Variants in CELSR1 observed in about 807,000 individuals in gnomAD.
CELSR1 encodes the protein cadherin EGF LAG seven-pass G-type receptor 1.
A neutral mutation model predicts 249.1 loss-of-function variants in CELSR1; 110 were observed. The ratio of observed to expected loss-of-function variants is 0.44; its 90% CI spans 0.38 to 0.52. The LOEUF is 0.52. CELSR1 is among the 20% of genes least tolerant of loss of function. CELSR1 has a pLI of 0.00. For synonymous variants in CELSR1, 2,113 were observed against 1,900.0 expected, an observed-to-expected ratio of 1.11 and a Z score of -2.92; for missense variants, 4,109 against 4,296.4, an observed-to-expected ratio of 0.96 and a Z score of 1.22.
chr22:46,431,851 G>A (rs1210614080), intron 5 of CELSR1, among the ~76,000 whole-genome samples: 5 of 152,184 alleles, frequency 3.3e-5, no homozygotes, highest in Non-Finnish European at 7.4e-5. Context: ...GCTCAGCCCT[G>A]AGCCCCTCAC....
Position 46,436,119 on chromosome 22 carries a change from C to A in CELSR1, c.4522+55G>T. On this transcript the variant is annotated intron_variant, in intron 4 of 34. Transcript: ENST00000674500. This position sits in a 1 kb window ranked among gnomAD's most constrained non-coding sequence, Gnocchi z 5.9. The stretch of plus-strand genomic sequence containing the variant: ...TGCACAGGGCGAGGGTCGTTTTAAC[C>A]CACAAAGTATCTGTGAATTGCTCAG... 1 of 1,471,136 alleles carries A rather than the reference C, an allele frequency of 6.8e-7. No homozygotes were observed. The highest frequency in any genetic ancestry group is 9.5e-7 in the Non-Finnish European group (1 of 1,053,684). The allele number at this position is 1,471,136 out of a possible 1,614,324, so 91.1% of individuals were successfully genotyped here.
intron 5 of CELSR1, among the ~76,000 whole-genome samples, chr22:46,432,160 G>A (rs1186641984): frequency 3.9e-5 from 6 of 152,202 alleles, no homozygotes; most frequent in East Asian, 1.9e-4. Flanking sequence ...TGTGTGGCAC[G>A]CCTGGGAGAT....
At position 46,409,310 on chromosome 22, in the gene CELSR1, G is replaced by A. The variant is rs139892800; in HGVS notation, c.5060-148C>T. 3.0e-4 allele frequency: 226 copies of A among 762,128 alleles called. 2 individuals are homozygous for A. In the African/African-American group the frequency reaches 3.0e-3, roughly 10 times the overall value. 47.2% of individuals were successfully genotyped at this position (762,128 alleles called of 1,614,324 possible). ...TGGGTCTGAGCCTCCCCTCTGTGAC[G>A]CATCCAGCCCTCACAGTCAGCCACG... is the stretch of plus-strand genomic sequence containing the variant. On this transcript the variant is annotated intron_variant, in intron 8 of 34. Transcript: ENST00000674500. This position sits in a 1 kb window ranked among gnomAD's most constrained non-coding sequence, Gnocchi z 9.8.
At chr22:46,366,247 G>A (rs1302828270) in intron 30 of CELSR1, 139 bp downstream of exon 30, 6 of 83,318 alleles carry the variant, frequency 7.2e-5, no homozygotes, top group African/African-American at 2.8e-4. Flanking sequence ...GGGAAGTTGC[G>A]GGTGGGAAGA....
chr22:46,372,721 CCTGTGCATGCACTCG>C (rs1296840934), intron 25 of CELSR1, among the ~76,000 whole-genome samples, 147 bp downstream of exon 25: 3 of 152,118 alleles, frequency 2.0e-5, no homozygotes, highest in East Asian at 3.9e-4. Flanking sequence ...TGCGAGTGCC[CCTGTGCATGCACTCG>C]CAGTGTGCAG....
rs1445003895 is a variant in CELSR1 at position 46,398,327 on chromosome 22, C to T, written c.5526+197G>A. On this transcript the variant is annotated intron_variant, in intron 11 of 34. Transcript: ENST00000674500. This position sits in a 1 kb window ranked among gnomAD's most constrained non-coding sequence, Gnocchi z 7.2. ...GGAGCTGTGGGGGCCAGGGACGGCC[C>T]GGATGCCAAGGGGAACCGCAGGGGA... 2.0e-5 allele frequency among the ~76,000 whole-genome samples: 3 copies of T among 152,012 alleles called. No individual in the cohort carries two copies. The highest frequency in any genetic ancestry group is 4.4e-5 in the Non-Finnish European group (3 of 67,978).
chr22:46,374,405 A>G lies in CELSR1; in HGVS notation c.7585-1348T>C, dbSNP rs1455455600. Among the ~76,000 whole-genome samples the G allele has an allele frequency of 6.6e-6, 1 of 152,218 alleles. No homozygotes were observed. The highest frequency in any genetic ancestry group is 1.5e-5 in the Non-Finnish European group (1 of 68,030). On this transcript the variant is annotated intron_variant, in intron 24 of 34. Coordinates refer to ENST00000674500, the MANE Select transcript of CELSR1 (RefSeq NM_001378328.1). This position sits in a 1 kb window ranked among gnomAD's most constrained non-coding sequence, Gnocchi z 4.3. The stretch of plus-strand genomic sequence containing the variant: ...ACCACCTTTTCCAGAAATAGAACAA[A>G]GACAAAAGCGGATGCATAATAAATC...
In CELSR1 at chr22:46,391,382, G is replaced by T; in HGVS notation, c.6149-95C>A. The T allele has an allele frequency of 1.2e-5, 14 of 1,130,434 alleles. No homozygotes were observed. The highest frequency in any genetic ancestry group is 2.2e-4 in the Middle Eastern group (1 of 4,570). 70.0% of individuals were successfully genotyped at this position (1,130,434 alleles called of 1,614,324 possible). A position where few individuals can be genotyped will look rare whatever the true frequency, so the allele number is the denominator to read the frequency against. On this transcript the variant is annotated intron_variant, in intron 15 of 34. Coordinates refer to ENST00000674500, the MANE Select transcript of CELSR1 (RefSeq NM_001378328.1). This position sits in a 1 kb window ranked among gnomAD's most constrained non-coding sequence, Gnocchi z 4.3. ...GTCTGCATGCGCCTCCCTGCAGGAG[G>T]CCCTGCTCCCACCAAGAACCGAACC... is the stretch of plus-strand genomic sequence containing the variant.
In CELSR1 at chr22:46,436,998, G is replaced by A. The variant is rs1467016707; in HGVS notation, c.4407-709C>T. 1.3e-5 allele frequency among the ~76,000 whole-genome samples: 2 copies of A among 152,186 alleles called. No homozygotes were observed. The highest frequency in any genetic ancestry group is 6.5e-5 in the Admixed American group (1 of 15,276). ...TATAAGAATGTATGATCCATAAGGG[G>A]AGGAACCGCAGCTCTCATTCCCTGC... On this transcript the variant is annotated intron_variant, in intron 3 of 34. Coordinates refer to ENST00000674500, the MANE Select transcript of CELSR1 (RefSeq NM_001378328.1). This position sits in a 1 kb window ranked among gnomAD's most constrained non-coding sequence, Gnocchi z 5.9.
At chr22:46,469,238 C>T (rs1441715653) in intron 1 of CELSR1, among the ~76,000 whole-genome samples, 1 of 152,148 alleles carries the variant, frequency 6.6e-6, no homozygotes, top group African/African-American at 2.4e-5. Context: ...TCACCTTGCT[C>T]CCCTGTGGTC....
In CELSR1 at chr22:46,390,505, T is replaced by C; in HGVS notation, c.6251-19A>G. 2 of 1,598,454 alleles carry C rather than the reference T, an allele frequency of 1.3e-6. No homozygotes were observed. Among genetic ancestry groups the C allele is most frequent in the African/African-American group, 1.3e-5 (1 of 74,640 alleles). ...GCATTTCCTGGGGAAGGAGAGCAGG[T>C]GTGCAAAGCCTGAAACTCAAACTGT... On this transcript the variant is annotated intron_variant, in intron 16 of 34. Coordinates refer to ENST00000674500, the MANE Select transcript of CELSR1 (RefSeq NM_001378328.1). This position sits in a 1 kb window ranked among gnomAD's most constrained non-coding sequence, Gnocchi z 6.3.
rs1466915792 is a variant in CELSR1 at position 46,366,237 on chromosome 22, GGGAAGTTGCGGGTGGGAA to G, written c.8300+131_8300+148del. 83 of 202,806 alleles carry G rather than the reference GGGAAGTTGCGGGTGGGAA, an allele frequency of 4.1e-4. 8 individuals carry two copies. The highest frequency in any genetic ancestry group is 3.7e-3 in the African/African-American group (24 of 6,436). 12.6% of individuals were successfully genotyped at this position (202,806 alleles called of 1,614,324 possible). On this transcript the variant is annotated intron_variant, in intron 30 of 34. Transcript: ENST00000674500. The stretch of plus-strand genomic sequence containing the variant: ...GGGGAGGGAAGGTGCGGGGCAGGGA[GGGAAGTTGCGGGTGGGAA>G]GAAGGTGCGGGTGGAAAGTTGGGGG...
rs2079279225 is a variant in CELSR1 at position 46,407,511 on chromosome 22, A to G, written c.5226+1485T>C. 6.6e-6 allele frequency among the ~76,000 whole-genome samples: 1 copy of G among 152,172 alleles called. No individual in the cohort carries two copies. The highest frequency in any genetic ancestry group is 1.5e-5 in the Non-Finnish European group (1 of 68,034). ...GCCAGGTGTGGTGGTGAGCTCCTGT[A>G]ATCCCAACTACAATGGAGGCTGAGG... is the stretch of plus-strand genomic sequence containing the variant. On this transcript the variant is annotated intron_variant, in intron 9 of 34. Transcript: ENST00000674500. The surrounding 1 kb of genome is among the most constrained non-coding windows in gnomAD (Gnocchi z 4.8).
intron 1 of CELSR1, among the ~76,000 whole-genome samples, chr22:46,515,550 G>C (rs377556601): frequency 7.9e-5 from 12 of 152,324 alleles, no homozygotes; most frequent in East Asian, 5.8e-4. Flanking sequence ...GAGTGGGTGT[G>C]CACAAGCTGC....
intron 2 of CELSR1, among the ~76,000 whole-genome samples, chr22:46,459,217 C>T (rs941623030): frequency 2.0e-5 from 3 of 151,928 alleles, no homozygotes; most frequent in Admixed American, 6.6e-5. Flanking sequence ...AGTGAGTGGT[C>T]GTAATTGTTT....
At chr22:46,455,620 C>T (rs529258229) in intron 2 of CELSR1, among the ~76,000 whole-genome samples, 10 of 152,318 alleles carry the variant, frequency 6.6e-5, no homozygotes, top group East Asian at 5.8e-4. Context: ...AGATTTCTGT[C>T]GTCTTCAGCC....
Position 46,407,093 on chromosome 22 carries a change from T to C in CELSR1, c.5226+1903A>G, listed in dbSNP as rs994851312. Among the ~76,000 whole-genome samples, 3 of 152,142 alleles carry C rather than the reference T, an allele frequency of 2.0e-5. No individual in the cohort carries two copies. Among genetic ancestry groups the C allele is most frequent in the African/African-American group, 7.2e-5 (3 of 41,436 alleles). On this transcript the variant is annotated intron_variant, in intron 9 of 34. Coordinates refer to ENST00000674500, the MANE Select transcript of CELSR1 (RefSeq NM_001378328.1). This position sits in a 1 kb window ranked among gnomAD's most constrained non-coding sequence, Gnocchi z 4.8. ...AGAGGAGGCTAACCTAAGGGCAGCA[T>C]CTCTGTGCGCTGAAGGGAGGTCAGG... is the stretch of plus-strand genomic sequence containing the variant.
intron 23 of CELSR1, among the ~76,000 whole-genome samples, chr22:46,378,370 C>A (rs1402390922): frequency 6.6e-6 from 1 of 152,220 alleles, no homozygotes; most frequent in African/African-American, 2.4e-5. Flanking sequence ...TTATGGAAAT[C>A]CTCAGACTCT....
In CELSR1 at chr22:46,439,346, T is replaced by G. The variant is rs140069149; in HGVS notation, c.4249A>C (p.Thr1417Pro). Residue 1417 changes from threonine to proline, a missense_variant, in exon 3 of 35, where the codon ACC becomes CCC. Physicochemically the swap from Thr to Pro is conservative, Grantham distance 38. This residue lies in a region of CELSR1 where 453 missense variants were observed against 492.0 expected (regional missense o/e 0.92). Coordinates refer to ENST00000674500, the MANE Select transcript of CELSR1 (RefSeq NM_001378328.1). Reference sequence around the variant, plus strand: ...CCGCCGATGAGCAGGTTCACGCAGGTGCCCCCGTTCTTGCACACCCCGTTG... The same window carrying G: ...CCGCCGATGAGCAGGTTCACGCAGGGGCCCCCGTTCTTGCACACCCCGTTG... ...CANGVCKNGG[T>P]CVNLLIGGFH... The G allele has an allele frequency of 6.2e-7, 1 of 1,613,956 alleles. No homozygotes were observed. Among genetic ancestry groups the G allele is most frequent in the Non-Finnish European group, 8.5e-7 (1 of 1,179,964 alleles).
Sources: gnomAD v4.1 joint callset for allele counts (sites outside exome capture counted in the v4.1 genomes callset) on GRCh38, gnomAD v4.1.1 for gene constraint, gnomAD v4.1.1 regional missense constraint, Gnocchi (gnomAD v3.1) non-coding constraint, MANE v1.5 for transcripts, NCBI Gene and HGNC (gene_info 2026-07-23, HGNC 2026-07-21) for gene names.